PPEF2: variants seen among roughly 807,000 people sequenced by gnomAD.
PPEF2 encodes serine/threonine-protein phosphatase with EF-hands 2.
A neutral mutation model predicts 84.7 loss-of-function variants in PPEF2; 84 were observed. The observed-to-expected ratio is 0.99, with a 90% CI of 0.83 to 1.19. The LOEUF (loss-of-function observed/expected upper bound fraction) is 1.19, where lower values mean the gene tolerates loss of function less well. PPEF2 is among the 50% of genes most tolerant of loss of function. The probability of loss-of-function intolerance (pLI) is 0.00; values close to 1 mark genes in which losing one functional copy is unlikely to be tolerated. For missense variants in PPEF2, 924 were observed against 937.5 expected (o/e 0.99, Z 0.19); for synonymous variants, 346 against 345.2 (o/e 1.00, Z -0.03).
intron 1 of PPEF2, among the ~76,000 whole-genome samples, chr4:75,899,564 G>T (rs900549528): frequency 6.6e-6 from 1 of 152,138 alleles, no homozygotes; most frequent in African/African-American, 2.4e-5. Context: ...TTTGAAGGTT[G>T]TGATACTGGG....
At chr4:75,886,411 G>T (rs567411080) in intron 7 of PPEF2, among the ~76,000 whole-genome samples, 64 of 152,314 alleles carry the variant, frequency 4.2e-4, no homozygotes, top group African/African-American at 1.4e-3. Context: ...CACCCGTCAT[G>T]CAACGGCACG....
chr4:75,862,292 CAAAAAAAAA>C (rs545540824), intron 16 of PPEF2, among the ~76,000 whole-genome samples: 2 of 77,412 alleles, frequency 2.6e-5, no homozygotes, highest in African/African-American at 9.7e-5. Flanking sequence ...GACTCCATCT[CAAAAAAAAA>C]AAAAAAAAAA....
In PPEF2 at chr4:75,874,123, CAAACAAAT is replaced by C. The variant is rs1239642400; in HGVS notation, c.1321-819_1321-812del. On this transcript the variant is annotated intron_variant, in intron 11 of 16. Coordinates refer to ENST00000286719, the MANE Select transcript of PPEF2 (RefSeq NM_006239.3). ...ACTCCACCTCAAACAAACAAACAAACAAACAAATAAATAAATAAATAAATAAATAATTG... is the reference window on the plus strand; with the variant it reads ...ACTCCACCTCAAACAAACAAACAAACAAATAAATAAATAAATAAATAATTG... Among the ~76,000 whole-genome samples, 98 of 101,136 alleles carry C rather than the reference CAAACAAAT, an allele frequency of 9.7e-4. No homozygotes were observed. In the East Asian group the frequency reaches 0.013, roughly 14 times the overall value. 66.3% of individuals were successfully genotyped at this position (101,136 alleles called of 152,430 possible). A position where few individuals can be genotyped will look rare whatever the true frequency, so the allele number is the denominator to read the frequency against.
chr4:75,869,996 A>G lies in PPEF2; in HGVS notation c.1649+2029T>C, dbSNP rs528741047. Among the ~76,000 whole-genome samples, 3 of 152,308 alleles carry G rather than the reference A, an allele frequency of 2.0e-5. No individual in the cohort carries two copies. The South Asian group carries it at 6.2e-4, about 32-fold the overall frequency. On this transcript the variant is annotated intron_variant, in intron 13 of 16. Coordinates refer to ENST00000286719, the MANE Select transcript of PPEF2 (RefSeq NM_006239.3). ...TGCTTCATACAGTTGAAGTCACTGG[A>G]TAAGTGATTTCTGGGTAAATCAGGT...
In PPEF2 at chr4:75,890,105, T is replaced by C; in HGVS notation, c.269A>G (p.Glu90Gly). Residue 90 changes from glutamate (E) to glycine (G), a missense_variant, in exon 5 of 17, where the codon GAG becomes GGG. Transcript: ENST00000286719. ...DRDFLTRIFTEDRFAQDSEMK... is the reference protein window; with the variant it reads ...DRDFLTRIFTGDRFAQDSEMK... ...CTCGGAGTCCTGGGCGAATCTGTCC[T>C]CAGTGAATATGCGGGTCAGGAAGTC... The C allele has an allele frequency of 6.2e-7, 1 of 1,614,066 alleles. No individual in the cohort carries two copies. Among genetic ancestry groups the C allele is most frequent in the Non-Finnish European group, 8.5e-7 (1 of 1,180,016 alleles).
At chr4:75,896,192 C>T (rs1474694376) in intron 2 of PPEF2, 79 bp downstream of exon 2, 3 of 1,500,624 alleles carry the variant, frequency 2.0e-6, no homozygotes, top group African/African-American at 1.4e-5. Context: ...CTGCTTCTAC[C>T]CTCAGAACCC....
rs1179194904 is a variant in PPEF2 at position 75,866,221 on chromosome 4, T to C, written c.1888A>G (p.Lys630Glu). 1 of 1,613,828 alleles carries C rather than the reference T, an allele frequency of 6.2e-7. No individual in the cohort carries two copies. Among genetic ancestry groups the C allele is most frequent in the East Asian group, 2.2e-5 (1 of 44,882 alleles). The change falls in exon 15 of 17, where the codon AAG becomes GAG. Residue 630 changes from lysine to glutamate, a missense_variant. Lys to Glu is a moderately conservative substitution (Grantham distance 56). Coordinates refer to ENST00000286719, the MANE Select transcript of PPEF2 (RefSeq NM_006239.3). ...CTCAGTTGTTCCTTGGCCAAGTTCT[T>C]CAGCCAAGACTTGTACTCCAGCATG... ...DNMLEYKSWL[K>E]NLAKEQLSRE...
At chr4:75,873,355 C>T in intron 11 of PPEF2, 43 bp from the exon 12 acceptor site, 1 of 1,506,326 alleles carries the variant, frequency 6.6e-7, no homozygotes, top group South Asian at 1.2e-5. Flanking sequence ...AAACTAGATA[C>T]ATATTCATCC....
intron 7 of PPEF2, among the ~76,000 whole-genome samples, chr4:75,885,802 A>G (rs7673337): frequency 0.87 from 132,122 of 151,858 alleles, 59,784 homozygotes; most frequent in East Asian, 0.99. Flanking sequence ...TGAGGTCAGG[A>G]GTTCGAGACC....
Position 75,860,351 on chromosome 4 carries a change from G to C in PPEF2, c.*316C>G. On this transcript the variant is annotated 3_prime_UTR_variant, in exon 17 of 17. Coordinates refer to ENST00000286719, the MANE Select transcript of PPEF2 (RefSeq NM_006239.3). Reference sequence around the variant, plus strand: ...GAGAGAAACTCCATCTCAAAAAAACGTATAAAATGAAAACAATGAGAGAGT... The same window carrying C: ...GAGAGAAACTCCATCTCAAAAAAACCTATAAAATGAAAACAATGAGAGAGT... The C allele has an allele frequency of 3.3e-6, 1 of 305,348 alleles. No individual in the cohort carries two copies. Among genetic ancestry groups the C allele is most frequent in the Non-Finnish European group, 6.1e-6 (1 of 163,048 alleles). 18.9% of individuals were successfully genotyped at this position (305,348 alleles called of 1,614,324 possible).
intron 7 of PPEF2, among the ~76,000 whole-genome samples, chr4:75,886,214 C>T (rs78005193): frequency 6.6e-6 from 1 of 152,142 alleles, no homozygotes; most frequent in Non-Finnish European, 1.5e-5. Context: ...CAGGCTGAAC[C>T]ACAGGGCAGC....
chr4:75,885,279 T>C (rs1020784069), intron 7 of PPEF2, among the ~76,000 whole-genome samples: 1 of 152,168 alleles, frequency 6.6e-6, no homozygotes, highest in African/African-American at 2.4e-5. Flanking sequence ...GTTTTCTTTA[T>C]GTGAAAGAAA....
Position 75,860,299 on chromosome 4 carries a change from G to A in PPEF2, c.*368C>T, listed in dbSNP as rs551603528. 3.8e-4 allele frequency: 86 copies of A among 226,654 alleles called. No homozygotes were observed. The highest frequency in any genetic ancestry group is 1.9e-3 in the African/African-American group (83 of 43,584). The allele number at this position is 226,654 out of a possible 1,614,324, so 14.0% of individuals were successfully genotyped here. On this transcript the variant is annotated 3_prime_UTR_variant, in exon 17 of 17. Coordinates refer to ENST00000286719, the MANE Select transcript of PPEF2 (RefSeq NM_006239.3). ...GGACTTTGCGGTGAGCCGAGATCGC[G>A]CCAATGCACTCCAGCCTGGGCAACA...
chr4:75,877,650 C>G (rs1364226162), intron 10 of PPEF2, among the ~76,000 whole-genome samples: 3 of 149,980 alleles, frequency 2.0e-5, no homozygotes, highest in African/African-American at 7.3e-5. Context: ...GGGCTTGTAT[C>G]TTTTGTTTGT....
chr4:75,889,832 A>C, intron 5 of PPEF2, 125 bp downstream of exon 5: 1 of 1,075,262 alleles, frequency 9.3e-7, no homozygotes, highest in Non-Finnish European at 1.4e-6. Flanking sequence ...CAGGGGTAGA[A>C]TCTCTCTAGT....
chr4:75,893,196 A>T (rs1175287948), intron 2 of PPEF2, among the ~76,000 whole-genome samples: 1 of 152,188 alleles, frequency 6.6e-6, no homozygotes, highest in East Asian at 1.9e-4. Flanking sequence ...CTGTAAAACC[A>T]TGTTCAGAAT....
chr4:75,860,887 C>T lies in PPEF2; in HGVS notation c.2042G>A (p.Trp681Ter), dbSNP rs1723983956. 2 of 1,614,200 alleles carry T rather than the reference C, an allele frequency of 1.2e-6. No individual in the cohort carries two copies. The highest frequency in any genetic ancestry group is 1.7e-6 in the Non-Finnish European group (2 of 1,180,008). ...ATTCATGTGAGAGCTGAACAGCTTC[C>T]AGGTCTGCCTGAACTCGTCCAGTGA... ...FISLDEFRQT[W>*]KLFSSHMNID... Residue 681 changes from tryptophan to a stop codon, truncating the protein, a stop_gained, in exon 17 of 17, where the codon TGG becomes TAG. Transcript: ENST00000286719. LOFTEE classifies it low-confidence loss of function (END_TRUNC).
chr4:75,866,572 T>C, intron 14 of PPEF2: 1 of 617,490 alleles, frequency 1.6e-6, no homozygotes, highest in Non-Finnish European at 2.9e-6. Flanking sequence ...AGACAGACAG[T>C]AAAGTATATA....
At chr4:75,878,613 T>C (rs1299491285) in intron 10 of PPEF2, among the ~76,000 whole-genome samples, 1 of 152,170 alleles carries the variant, frequency 6.6e-6, no homozygotes, top group Non-Finnish European at 1.5e-5. Flanking sequence ...ACAGAGCTTA[T>C]TATCTGACAT....
Sources: gnomAD v4.1 joint callset for allele counts (sites outside exome capture counted in the v4.1 genomes callset) on GRCh38, gnomAD v4.1.1 for gene constraint, MANE v1.5 for transcripts, NCBI Gene and HGNC (gene_info 2026-07-23, HGNC 2026-07-21) for gene names.